CARMIL1: variants seen among roughly 807,000 people sequenced by gnomAD.
CARMIL1 encodes the protein F-actin-uncapping protein LRRC16A.
In CARMIL1, 90 loss-of-function variants were observed where a neutral mutation model predicts 177.1. The ratio of observed to expected loss-of-function variants is 0.51; its 90% CI spans 0.43 to 0.61. The LOEUF is 0.61. CARMIL1 is among the 20% of genes least tolerant of loss of function. The probability of loss-of-function intolerance (pLI) is 0.00; values close to 1 mark genes in which losing one functional copy is unlikely to be tolerated. For missense variants in CARMIL1, 1,380 were observed against 1,667.0 expected (o/e 0.83, Z 3.00); for synonymous variants, 577 against 606.2 (o/e 0.95, Z 0.71).
intron 9 of CARMIL1, among the ~76,000 whole-genome samples, chr6:25,468,896 T>C (rs1800862868): frequency 6.6e-6 from 1 of 152,222 alleles, no homozygotes. Context: ...CCGGGTGCAC[T>C]GCAAGGTAGC....
chr6:25,610,230 G>A, intron 36 of CARMIL1, 49 bp downstream of exon 36: 1 of 1,550,838 alleles, frequency 6.4e-7, no homozygotes, highest in Non-Finnish European at 8.7e-7. Flanking sequence ...TCCCCAAGGA[G>A]GGACATTTCA....
chr6:25,378,805 A>G (rs542110379), intron 2 of CARMIL1, among the ~76,000 whole-genome samples: 3 of 145,632 alleles, frequency 2.1e-5, no homozygotes, highest in East Asian at 4.0e-4. Flanking sequence ...AAAAAAATTC[A>G]CAGTGTGAAT....
At chr6:25,483,112 A>T (rs1802277978) in intron 12 of CARMIL1, among the ~76,000 whole-genome samples, 1 of 152,210 alleles carries the variant, frequency 6.6e-6, no homozygotes, top group Non-Finnish European at 1.5e-5. Flanking sequence ...CACATATGTA[A>T]CATTATTGCA....
At chr6:25,396,774 G>A (rs1165091388) in intron 2 of CARMIL1, among the ~76,000 whole-genome samples, 1 of 152,054 alleles carries the variant, frequency 6.6e-6, no homozygotes, top group Non-Finnish European at 1.5e-5. Flanking sequence ...AAACTGCCAC[G>A]GAATAATAAT....
At chr6:25,332,346 G>A (rs1243827288) in intron 2 of CARMIL1, among the ~76,000 whole-genome samples, 1 of 152,118 alleles carries the variant, frequency 6.6e-6, no homozygotes, top group South Asian at 2.1e-4. Flanking sequence ...GAATAAGATG[G>A]GTAGGCAAAA....
At chr6:25,426,262 C>T (rs546885482) in intron 3 of CARMIL1, among the ~76,000 whole-genome samples, 1 of 152,220 alleles carries the variant, frequency 6.6e-6, no homozygotes, top group African/African-American at 2.4e-5. Context: ...CATGCAGCTT[C>T]CTTTCTTTTC....
chr6:25,533,099 C>T (rs9348683), intron 24 of CARMIL1, among the ~76,000 whole-genome samples: 21,826 of 152,058 alleles, frequency 0.14, 2,073 homozygotes, highest in East Asian at 0.4. Context: ...GCTATTTGCT[C>T]GTTATATTCT....
At chr6:25,366,119 A>G (rs1789767237) in intron 2 of CARMIL1, among the ~76,000 whole-genome samples, 1 of 151,916 alleles carries the variant, frequency 6.6e-6, no homozygotes, top group Admixed American at 6.6e-5. Flanking sequence ...CAGCCTCCCA[A>G]ATAGCTAGGA....
chr6:25,314,472 CAAAA>C lies in CARMIL1; in HGVS notation c.138+29574_138+29577del, dbSNP rs71544634. 2.6e-5 allele frequency among the ~76,000 whole-genome samples: 3 copies of C among 115,134 alleles called. No homozygotes were observed. In the South Asian group the frequency reaches 8.9e-4, roughly 34 times the overall value. 75.5% of individuals were successfully genotyped at this position (115,134 alleles called of 152,430 possible). ...TGGGCGACAGAGCAAGATTCTGTCT[CAAAA>C]AAAAAAAAAATTATATATATACACA... On this transcript the variant is annotated intron_variant, in intron 2 of 36. Transcript: ENST00000329474.
chr6:25,401,387 A>G (rs530846650), intron 2 of CARMIL1, among the ~76,000 whole-genome samples: 5 of 152,320 alleles, frequency 3.3e-5, no homozygotes, highest in Non-Finnish European at 7.3e-5. Context: ...GTGTATATAT[A>G]TTGGAGTAAA....
At chr6:25,393,280 G>A (rs1176596898) in intron 2 of CARMIL1, among the ~76,000 whole-genome samples, 2 of 152,172 alleles carry the variant, frequency 1.3e-5, no homozygotes, top group African/African-American at 4.8e-5. Context: ...GGTTAGGCCA[G>A]GCGTGGTGGC....
intron 29 of CARMIL1, 138 bp downstream of exon 29, chr6:25,556,988 A>G: frequency 1.1e-6 from 1 of 911,602 alleles, no homozygotes; most frequent in Non-Finnish European, 1.7e-6. Context: ...TCTTTCAGAA[A>G]AGTCCTAAAG....
intron 2 of CARMIL1, among the ~76,000 whole-genome samples, chr6:25,395,692 A>G (rs1036472051): frequency 2.0e-5 from 3 of 152,230 alleles, no homozygotes; most frequent in Admixed American, 1.3e-4. Flanking sequence ...TTTTTGAATC[A>G]GTGATCTGCC....
At chr6:25,473,879 G>A (rs1223616749) in intron 11 of CARMIL1, among the ~76,000 whole-genome samples, 1 of 152,204 alleles carries the variant, frequency 6.6e-6, no homozygotes, top group Non-Finnish European at 1.5e-5. Context: ...AGTTCACGAA[G>A]AGTCAGAACA....
intron 2 of CARMIL1, among the ~76,000 whole-genome samples, chr6:25,296,891 CTT>C (rs374974927): frequency 1.3e-5 from 1 of 76,438 alleles, no homozygotes; most frequent in Non-Finnish European, 2.8e-5. Flanking sequence ...GAATATCTAT[CTT>C]TATCTATCTA....
intron 29 of CARMIL1, among the ~76,000 whole-genome samples, chr6:25,561,980 G>T (rs1811163094): frequency 6.6e-6 from 1 of 151,878 alleles, no homozygotes; most frequent in Non-Finnish European, 1.5e-5. Context: ...CAACGAAAAT[G>T]GTTAATGTGT....
chr6:25,546,011 C>T (rs926058844), intron 26 of CARMIL1, among the ~76,000 whole-genome samples: 1 of 152,100 alleles, frequency 6.6e-6, no homozygotes, highest in African/African-American at 2.4e-5. Flanking sequence ...GTCATGATGC[C>T]AACAACATGC....
intron 2 of CARMIL1, among the ~76,000 whole-genome samples, chr6:25,292,374 G>A (rs954263562): frequency 1.3e-5 from 2 of 152,198 alleles, no homozygotes; most frequent in African/African-American, 2.4e-5. Context: ...ATCAGAGAAC[G>A]TGCATTGTTG....
At chr6:25,439,990 C>T (rs1353237189) in intron 5 of CARMIL1, among the ~76,000 whole-genome samples, 1 of 152,194 alleles carries the variant, frequency 6.6e-6, no homozygotes, top group Non-Finnish European at 1.5e-5. Context: ...ACATACCTGT[C>T]TTTCCTTCTA....
Sources: gnomAD v4.1 joint callset for allele counts (sites outside exome capture counted in the v4.1 genomes callset) on GRCh38, gnomAD v4.1.1 for gene constraint, MANE v1.5 for transcripts, NCBI Gene and HGNC (gene_info 2026-07-23, HGNC 2026-07-21) for gene names.